Variants in KCTD16 observed in about 807,000 individuals in gnomAD.
KCTD16 encodes BTB/POZ domain-containing protein KCTD16.
Under a neutral mutation model 33.2 loss-of-function variants are expected in KCTD16, and 13 were observed. That is an observed-to-expected ratio of 0.39 (90% CI 0.25 to 0.62). KCTD16 has a LOEUF of 0.62. KCTD16 is among the 20% of genes least tolerant of loss of function. The pLI is 0.50. For synonymous variants in KCTD16, 197 were observed against 195.3 expected (o/e 1.01, Z -0.07); for missense variants, 441 against 525.1 (o/e 0.84, Z 1.57).
chr5:144,343,282 C>A (rs1358114892), intron 3 of KCTD16, among the ~76,000 whole-genome samples: 1 of 151,986 alleles, frequency 6.6e-6, no homozygotes, highest in African/African-American at 2.4e-5. Context: ...TTCAGAGATT[C>A]AACTTCTTCC....
chr5:144,176,681 C>A (rs905616789), intron 2 of KCTD16, among the ~76,000 whole-genome samples: 7 of 152,054 alleles, frequency 4.6e-5, no homozygotes, highest in African/African-American at 1.7e-4. Flanking sequence ...GGATTACAGG[C>A]GTGAGCCACC....
At chr5:144,311,576 A>C (rs934842441) in intron 3 of KCTD16, among the ~76,000 whole-genome samples, 1 of 152,222 alleles carries the variant, frequency 6.6e-6, no homozygotes, top group Non-Finnish European at 1.5e-5. Context: ...AATGGTTAAC[A>C]ATGAAGTCTT....
At chr5:144,237,179 C>T (rs956273404) in intron 3 of KCTD16, among the ~76,000 whole-genome samples, 1 of 152,028 alleles carries the variant, frequency 6.6e-6, no homozygotes, top group African/African-American at 2.4e-5. Context: ...GTGGCTTTGC[C>T]AGTTACATGC....
chr5:144,173,465 C>T (rs1752437666), intron 1 of KCTD16, among the ~76,000 whole-genome samples: 1 of 152,092 alleles, frequency 6.6e-6, no homozygotes, highest in Admixed American at 6.5e-5. Flanking sequence ...GAGCAACACA[C>T]AGTGGGGCAT....
intron 3 of KCTD16, among the ~76,000 whole-genome samples, chr5:144,212,002 G>T (rs1402588021): frequency 1.3e-5 from 2 of 152,114 alleles, no homozygotes; most frequent in Non-Finnish European, 1.5e-5. Context: ...CCTTCCCCAG[G>T]GGTATTTGTA....
At chr5:144,220,381 A>C (rs1753705905) in intron 3 of KCTD16, among the ~76,000 whole-genome samples, 1 of 152,180 alleles carries the variant, frequency 6.6e-6, no homozygotes, top group African/African-American at 2.4e-5. Flanking sequence ...ATGAACTGTA[A>C]GCTTCCTGGG....
At chr5:144,395,870 T>C (rs1342213610) in intron 3 of KCTD16, among the ~76,000 whole-genome samples, 2 of 152,226 alleles carry the variant, frequency 1.3e-5, no homozygotes, top group African/African-American at 2.4e-5. Context: ...ACATCAGGTG[T>C]TGGCAAGCTC....
In KCTD16 at chr5:144,484,661, G is replaced by C. The variant is rs569118632; in HGVS notation, c.*10547G>C. On this transcript the variant is annotated 3_prime_UTR_variant, in exon 4 of 4. Coordinates refer to ENST00000512467, the MANE Select transcript of KCTD16 (RefSeq NM_020768.4). ...TGTGAATGTGATGTCACCACAAATA[G>C]AGGATTCTGAATTTTGCTGGTACTA... The C allele has an allele frequency of 6.6e-6, 1 of 152,068 alleles. No individual in the cohort carries two copies. Among genetic ancestry groups the C allele is most frequent in the African/African-American group, 2.4e-5 (1 of 41,534 alleles). 9.4% of individuals were successfully genotyped at this position (152,068 alleles called of 1,614,324 possible).
intron 3 of KCTD16, among the ~76,000 whole-genome samples, chr5:144,270,435 A>G (rs889958597): frequency 2.6e-5 from 4 of 151,976 alleles, no homozygotes; most frequent in African/African-American, 9.6e-5. Context: ...GCAATGGATC[A>G]AAGAGGAAAT....
intron 3 of KCTD16, among the ~76,000 whole-genome samples, chr5:144,389,125 A>G (rs1227511844): frequency 6.6e-6 from 1 of 152,172 alleles, no homozygotes; most frequent in East Asian, 1.9e-4. Flanking sequence ...AGTCAGTCCC[A>G]GGGTAGATGG....
intron 3 of KCTD16, among the ~76,000 whole-genome samples, chr5:144,241,866 T>G (rs1754413525): frequency 6.6e-6 from 1 of 152,198 alleles, no homozygotes; most frequent in Non-Finnish European, 1.5e-5. Flanking sequence ...TCATGAAATG[T>G]GAAAAGAATC....
chr5:144,405,567 T>C (rs926365727), intron 3 of KCTD16, among the ~76,000 whole-genome samples: 1 of 152,210 alleles, frequency 6.6e-6, no homozygotes, highest in African/African-American at 2.4e-5. Context: ...GTCTTAGTTT[T>C]GTTTCTCTGT....
intron 3 of KCTD16, among the ~76,000 whole-genome samples, chr5:144,312,570 A>G (rs1432309636): frequency 6.6e-6 from 1 of 152,220 alleles, no homozygotes; most frequent in African/African-American, 2.4e-5. Flanking sequence ...TGTTCACTAC[A>G]AGCATGTGGT....
chr5:144,417,637 G>GT (rs1268869279), intron 3 of KCTD16, among the ~76,000 whole-genome samples: 1 of 151,844 alleles, frequency 6.6e-6, no homozygotes, highest in African/African-American at 2.4e-5. Context: ...TTTTTATTTT[G>GT]TTTTTGTTTT....
chr5:144,401,113 C>T (rs1580933484), intron 3 of KCTD16, among the ~76,000 whole-genome samples: 1 of 152,174 alleles, frequency 6.6e-6, no homozygotes, highest in East Asian at 1.9e-4. Context: ...AAGAGGCAAA[C>T]TGCCTTGAAC....
Position 144,478,139 on chromosome 5 carries a change from G to T in KCTD16, c.*4025G>T, listed in dbSNP as rs1754633569. ...CAATTTATTTATTTTCTTTTATATT[G>T]TCAAAATAGCACACTAGAGAAAGAA... On this transcript the variant is annotated 3_prime_UTR_variant, in exon 4 of 4. Coordinates refer to ENST00000512467, the MANE Select transcript of KCTD16 (RefSeq NM_020768.4). 6.6e-6 allele frequency: 1 copy of T among 151,850 alleles called. No individual in the cohort carries two copies. The highest frequency in any genetic ancestry group is 1.5e-5 in the Non-Finnish European group (1 of 67,926). 9.4% of individuals were successfully genotyped at this position (151,850 alleles called of 1,614,324 possible). A position where few individuals can be genotyped will look rare whatever the true frequency, so the allele number is the denominator to read the frequency against.
intron 2 of KCTD16, among the ~76,000 whole-genome samples, chr5:144,179,599 G>A (rs1752576456): frequency 6.6e-6 from 1 of 152,182 alleles, no homozygotes; most frequent in African/African-American, 2.4e-5. Context: ...TCACCAACAT[G>A]GTAGATAGAA....
intron 3 of KCTD16, among the ~76,000 whole-genome samples, chr5:144,299,319 T>C (rs921715042): frequency 4.6e-4 from 69 of 150,998 alleles, no homozygotes; most frequent in African/African-American, 1.5e-3. Flanking sequence ...ATAATAATGA[T>C]CCATCCTGCT....
At chr5:144,235,449 A>G (rs957272897) in intron 3 of KCTD16, among the ~76,000 whole-genome samples, 10 of 152,220 alleles carry the variant, frequency 6.6e-5, no homozygotes, top group African/African-American at 2.2e-4. Flanking sequence ...GACTGAGATC[A>G]AATCTTCATT....
Sources: gnomAD v4.1 joint callset for allele counts (sites outside exome capture counted in the v4.1 genomes callset) on GRCh38, gnomAD v4.1.1 for gene constraint, MANE v1.5 for transcripts, NCBI Gene and HGNC (gene_info 2026-07-23, HGNC 2026-07-21) for gene names.